SLIT3: variants seen among roughly 807,000 people sequenced by gnomAD.
SLIT3 encodes the protein slit guidance ligand 3.
SLIT3 carries 68 observed loss-of-function variants against 184.0 expected under a neutral mutation model. The observed-to-expected ratio is 0.37, with a 90% CI of 0.30 to 0.45. SLIT3 has a LOEUF of 0.45. SLIT3 is among the 20% of genes least tolerant of loss of function. The probability of loss-of-function intolerance (pLI) is 1.00; values close to 1 mark genes in which losing one functional copy is unlikely to be tolerated. For missense variants in SLIT3, 1,707 were observed against 2,026.0 expected, an observed-to-expected ratio of 0.84 and a Z score of 3.02; for synonymous variants, 831 against 828.6, an observed-to-expected ratio of 1.00 and a Z score of -0.05.
intron 8 of SLIT3, among the ~76,000 whole-genome samples, chr5:168,813,573 C>T (rs899151570): frequency 6.6e-6 from 1 of 152,202 alleles, no homozygotes; most frequent in African/African-American, 2.4e-5. Context: ...TCTATTTCCC[C>T]ACCCTTGTGA....
chr5:168,972,564 G>A (rs1179045537), intron 4 of SLIT3, among the ~76,000 whole-genome samples: 1 of 151,976 alleles, frequency 6.6e-6, no homozygotes, highest in East Asian at 1.9e-4. Flanking sequence ...ACACCTCTGA[G>A]CCTTGGTTTT....
chr5:168,768,050 G>A (rs1166942986), intron 14 of SLIT3: 2 of 370,776 alleles, frequency 5.4e-6, no homozygotes, highest in African/African-American at 4.2e-5. Flanking sequence ...TTGGTGAGTT[G>A]AGACTGGGAG....
chr5:168,798,499 G>C (rs1428583405), intron 9 of SLIT3, among the ~76,000 whole-genome samples: 1 of 152,138 alleles, frequency 6.6e-6, no homozygotes, highest in Non-Finnish European at 1.5e-5. Context: ...AAAGTGCTGA[G>C]ATGACAGGTG....
chr5:169,194,841 A>G (rs1349118438), intron 3 of SLIT3, among the ~76,000 whole-genome samples: 2 of 152,204 alleles, frequency 1.3e-5, no homozygotes, highest in Non-Finnish European at 2.9e-5. Flanking sequence ...TAAGTGACAC[A>G]GAGCCATCAT....
chr5:168,759,201 G>T (rs1398338089), intron 16 of SLIT3, among the ~76,000 whole-genome samples: 2 of 152,164 alleles, frequency 1.3e-5, no homozygotes, highest in Non-Finnish European at 2.9e-5. Context: ...GTATACAGTT[G>T]CTGGGAACAC....
At chr5:169,059,832 T>C (rs1430860538) in intron 4 of SLIT3, among the ~76,000 whole-genome samples, 1 of 152,190 alleles carries the variant, frequency 6.6e-6, no homozygotes, top group Non-Finnish European at 1.5e-5. Context: ...ATGTTTGAGT[T>C]CCCCTCAAAT....
intron 4 of SLIT3, among the ~76,000 whole-genome samples, chr5:168,966,227 G>C (rs76253747): frequency 1.3e-5 from 2 of 152,142 alleles, no homozygotes; most frequent in Non-Finnish European, 2.9e-5. Context: ...GTGAGCTCTC[G>C]ATCTTATCTG....
chr5:168,673,422 A>G (rs1761315995), intron 32 of SLIT3, 91 bp from the exon 33 acceptor site: 1 of 1,200,252 alleles, frequency 8.3e-7, no homozygotes, highest in Non-Finnish European at 1.2e-6. Flanking sequence ...TGCATTGCTT[A>G]CATTTTGTTT....
At position 168,749,517 on chromosome 5, in the gene SLIT3, C is replaced by T; in HGVS notation, c.2092G>A (p.Glu698Lys). ...ATGGCCACATCCTGGATGGGAATCT[C>T]CTTGAGGAAAAATGGCTTCTGGCAC... ...PRCQKPFFLK[E>K]IPIQDVAIQD... The change falls in exon 19 of 36, where the codon GAG becomes AAG. Residue 698 changes from glutamate (E) to lysine (K), a missense_variant. By Grantham distance (56) the Glu-to-Lys change is moderately conservative. Transcript: ENST00000519560. The T allele has an allele frequency of 1.2e-6, 2 of 1,614,184 alleles. No individual in the cohort carries two copies. The highest frequency in any genetic ancestry group is 1.1e-5 in the South Asian group (1 of 91,084).
chr5:168,928,877 T>A (rs973960232), intron 4 of SLIT3, among the ~76,000 whole-genome samples: 2 of 152,162 alleles, frequency 1.3e-5, no homozygotes, highest in African/African-American at 4.8e-5. Context: ...GCTGAGATAA[T>A]CCAAGCACCT....
At chr5:168,809,054 T>C (rs1003963356) in intron 8 of SLIT3, among the ~76,000 whole-genome samples, 1 of 152,166 alleles carries the variant, frequency 6.6e-6, no homozygotes, top group Non-Finnish European at 1.5e-5. Context: ...CTGTGAAATA[T>C]TACTTGAATG....
At chr5:169,257,743 T>G (rs1561770952) in intron 1 of SLIT3, among the ~76,000 whole-genome samples, 1 of 151,788 alleles carries the variant, frequency 6.6e-6, no homozygotes, top group Admixed American at 6.6e-5. Context: ...TTAGTAGAGA[T>G]GGGGTTTCAC....
chr5:168,826,996 T>C (rs1342601394), intron 6 of SLIT3, among the ~76,000 whole-genome samples: 1 of 152,212 alleles, frequency 6.6e-6, no homozygotes, highest in African/African-American at 2.4e-5. Flanking sequence ...ACTCCTGACC[T>C]CAGGTGATCC....
intron 4 of SLIT3, among the ~76,000 whole-genome samples, chr5:169,159,644 C>T (rs1387153884): frequency 3.3e-5 from 5 of 152,186 alleles, no homozygotes; most frequent in East Asian, 3.9e-4. Context: ...GGCGTGGTGG[C>T]AGGCACCTGT....
chr5:168,878,794 A>G (rs545774889), intron 5 of SLIT3, among the ~76,000 whole-genome samples: 8 of 150,116 alleles, frequency 5.3e-5, no homozygotes, highest in Non-Finnish European at 1.2e-4. Context: ...GGCTCACCGC[A>G]ACCTCTGCCT....
intron 3 of SLIT3, among the ~76,000 whole-genome samples, chr5:169,199,883 A>C (rs1257274957): frequency 6.6e-6 from 1 of 152,232 alleles, no homozygotes; most frequent in Non-Finnish European, 1.5e-5. Flanking sequence ...TAGCCAACAC[A>C]GCATCAGGCA....
At chr5:169,224,751 AT>A (rs1372167513) in intron 3 of SLIT3, among the ~76,000 whole-genome samples, 1 of 152,144 alleles carries the variant, frequency 6.6e-6, no homozygotes, top group African/African-American at 2.4e-5. Flanking sequence ...CAGTGGTGCG[AT>A]CTTGGCTCAC....
chr5:169,289,410 G>A (rs747776931), intron 1 of SLIT3, among the ~76,000 whole-genome samples: 15 of 152,222 alleles, frequency 9.9e-5, no homozygotes, highest in Middle Eastern at 3.2e-3. Context: ...TCACTGCTGC[G>A]CTTTTTAATT....
intron 3 of SLIT3, among the ~76,000 whole-genome samples, chr5:169,238,265 A>G (rs1765267806): frequency 6.6e-6 from 1 of 152,068 alleles, no homozygotes; most frequent in Non-Finnish European, 1.5e-5. Flanking sequence ...CATTTCTCTT[A>G]TTAAATTTCT....
Sources: gnomAD v4.1 joint callset for allele counts (sites outside exome capture counted in the v4.1 genomes callset) on GRCh38, gnomAD v4.1.1 for gene constraint, MANE v1.5 for transcripts, NCBI Gene and HGNC (gene_info 2026-07-23, HGNC 2026-07-21) for gene names.